ZNF800: variants seen among roughly 807,000 people sequenced by gnomAD.
ZNF800 encodes the protein zinc finger protein 800.
ZNF800 carries 13 observed loss-of-function variants against 59.5 expected under a neutral mutation model. That is an observed-to-expected ratio of 0.22 (90% CI 0.14 to 0.35). The LOEUF is 0.35. ZNF800 is among the 10% of genes least tolerant of loss of function. The pLI is 1.00. For missense variants in ZNF800, 621 were observed against 783.7 expected, an observed-to-expected ratio of 0.79 and a Z score of 2.48; for synonymous variants, 266 against 265.7, an observed-to-expected ratio of 1.00 and a Z score of -0.01.
downstream of ZNF800, among the ~76,000 whole-genome samples, chr7:127,343,794 G>A (rs1800009671): frequency 1.3e-5 from 2 of 151,966 alleles, no homozygotes; most frequent in Admixed American, 6.5e-5. Flanking sequence ...TTATTTAACA[G>A]GATACATCTC....
chr7:127,382,865 A>G (rs1801014807), intron 3 of ZNF800, among the ~76,000 whole-genome samples: 1 of 152,224 alleles, frequency 6.6e-6, no homozygotes, highest in Non-Finnish European at 1.5e-5. Context: ...GCGTTGCCTG[A>G]GCAAAGGGGA....
At chr7:127,353,325 A>C (rs1008086095) in intron 1 of ZNF800, among the ~76,000 whole-genome samples, 6 of 152,174 alleles carry the variant, frequency 3.9e-5, no homozygotes, top group African/African-American at 1.4e-4. Flanking sequence ...ACAGTTCTTG[A>C]CAAGACTTTT....
chr7:127,373,985 C>A lies in ZNF800; in HGVS notation c.1351G>T (p.Val451Phe), dbSNP rs1800708369. Residue 451 changes from valine to phenylalanine, a missense_variant, in exon 5 of 6, where the codon GTT becomes TTT. Coordinates refer to ENST00000265827, the MANE Select transcript of ZNF800 (RefSeq NM_176814.5). ...KNTPAAQKNK[V>F]KQDSESPKST... Reference sequence around the variant, plus strand: ...TTAGGGCTTTCAGAGTCTTGTTTAACTTTATTTTTCTGTGCTGCCGGTGTG... The same window carrying A: ...TTAGGGCTTTCAGAGTCTTGTTTAAATTTATTTTTCTGTGCTGCCGGTGTG... 1 of 1,613,624 alleles carries A rather than the reference C, an allele frequency of 6.2e-7. No homozygotes were observed. Among genetic ancestry groups the A allele is most frequent in the Non-Finnish European group, 8.5e-7 (1 of 1,179,922 alleles).
At chr7:127,343,308 C>A (rs1800000997), downstream of ZNF800, among the ~76,000 whole-genome samples, 2 of 150,946 alleles carry the variant, frequency 1.3e-5, no homozygotes, top group Admixed American at 1.3e-4. Flanking sequence ...AAAAGACTGG[C>A]AAGTCTAATA....
chr7:127,391,915 G>A (rs1328333303), intron 1 of ZNF800, 145 bp downstream of exon 1: 12 of 369,130 alleles, frequency 3.3e-5, no homozygotes, highest in African/African-American at 1.5e-4. Context: ...GGAGCGCAGA[G>A]CGCGGCGGGC....
chr7:127,376,938 T>C (rs1270753704), intron 4 of ZNF800, among the ~76,000 whole-genome samples: 1 of 151,952 alleles, frequency 6.6e-6, no homozygotes, highest in Non-Finnish European at 1.5e-5. Context: ...CTCTTAAATC[T>C]AACCTCTTAT....
chr7:127,387,350 G>A (rs1801167088), intron 2 of ZNF800, among the ~76,000 whole-genome samples: 1 of 152,202 alleles, frequency 6.6e-6, no homozygotes, highest in Admixed American at 6.5e-5. Flanking sequence ...GAGAAATGAA[G>A]GGTGATTTCA....
At position 127,377,109 on chromosome 7, in the gene ZNF800, T is replaced by A; in HGVS notation, c.301+77A>T. 7.6e-7 allele frequency: 1 copy of A among 1,318,082 alleles called. No individual in the cohort carries two copies. The highest frequency in any genetic ancestry group is 1.0e-6 in the Non-Finnish European group (1 of 973,678). The allele number at this position is 1,318,082 out of a possible 1,614,324, so 81.6% of individuals were successfully genotyped here. On this transcript the variant is annotated intron_variant, in intron 4 of 5. Coordinates refer to ENST00000265827, the MANE Select transcript of ZNF800 (RefSeq NM_176814.5). This position sits in a 1 kb window ranked among gnomAD's most constrained non-coding sequence, Gnocchi z 4.7. The stretch of plus-strand genomic sequence containing the variant: ...CAAATTATCAGTAACTAGATACAAT[T>A]TTAATGCAAATGTATACTTGCAGTA...
At chr7:127,357,669 T>G (rs1050913325) in intron 1 of ZNF800, among the ~76,000 whole-genome samples, 1 of 152,080 alleles carries the variant, frequency 6.6e-6, no homozygotes, top group Non-Finnish European at 1.5e-5. Context: ...GATTTTTCCT[T>G]TTTCAAGAAA....
chr7:127,363,979 A>G (rs1242723994), intron 1 of ZNF800: 1 of 152,042 alleles, frequency 6.6e-6, no homozygotes, highest in Non-Finnish European at 1.5e-5. Flanking sequence ...GGTAAAAAGA[A>G]CTTATTTGAA....
intron 1 of ZNF800, among the ~76,000 whole-genome samples, chr7:127,359,248 C>T (rs1800344895): frequency 6.7e-6 from 1 of 149,540 alleles, no homozygotes; most frequent in South Asian, 2.1e-4. Context: ...CACCACCCCA[C>T]AGCCCCCAAA....
At position 127,381,353 on chromosome 7, in the gene ZNF800, T is replaced by C. The variant is rs185244608; in HGVS notation, c.158-4024A>G. On this transcript the variant is annotated intron_variant, in intron 3 of 5. Transcript: ENST00000265827. Reference sequence around the variant, plus strand: ...CCTGAAGGAAATTTCTTACTGATCATCCTTAACGTAAGGATTCAAAGATAC... The same window carrying C: ...CCTGAAGGAAATTTCTTACTGATCACCCTTAACGTAAGGATTCAAAGATAC... 4.3e-3 allele frequency among the ~76,000 whole-genome samples: 650 copies of C among 152,260 alleles called. 4 individuals carry two copies. The highest frequency in any genetic ancestry group is 0.015 in the African/African-American group (621 of 41,546).
Position 127,373,779 on chromosome 7 carries a change from G to A in ZNF800, c.1557C>T (p.Tyr519=). The A allele has an allele frequency of 3.1e-6, 5 of 1,614,154 alleles. No individual in the cohort carries two copies. The highest frequency in any genetic ancestry group is 1.7e-5 in the Admixed American group (1 of 60,018). The change falls in exon 5 of 6, where the codon TAC becomes TAT. Residue 519 remains tyrosine, a synonymous_variant. Coordinates refer to ENST00000265827, the MANE Select transcript of ZNF800 (RefSeq NM_176814.5). ...TTTCATAAGTGCAAAGAGGACACTT[G>A]TAGAATTTAACATAAATGTTATTTC... is the stretch of plus-strand genomic sequence containing the variant. ...TDGNNIYVKF[Y]KCPLCTYETR...
chr7:127,348,712 G>A (rs1430250822), intron 1 of ZNF800, among the ~76,000 whole-genome samples: 1 of 152,212 alleles, frequency 6.6e-6, no homozygotes, highest in Non-Finnish European at 1.5e-5. Flanking sequence ...ATCTCCAGGT[G>A]ATAAAGCTGC....
At chr7:127,369,014 G>A (rs1231912813), downstream of ZNF800, among the ~76,000 whole-genome samples, 2 of 145,474 alleles carry the variant, frequency 1.4e-5, no homozygotes, top group Non-Finnish European at 3.0e-5. Flanking sequence ...GTAAAGGGGA[G>A]GGGGAGGGAA....
At chr7:127,362,357 T>C (rs558692779) in intron 1 of ZNF800, 2 of 152,188 alleles carry the variant, frequency 1.3e-5, no homozygotes, top group South Asian at 4.1e-4. Context: ...CAGTGTGGGG[T>C]AGTAAGTTGT....
intron 2 of ZNF800, among the ~76,000 whole-genome samples, chr7:127,387,462 G>A (rs1040817729): frequency 2.6e-5 from 4 of 152,186 alleles, no homozygotes; most frequent in Non-Finnish European, 5.9e-5. Flanking sequence ...ATAGATACAG[G>A]CTTAGATTCT....
intron 1 of ZNF800, among the ~76,000 whole-genome samples, chr7:127,354,938 G>A (rs956884343): frequency 6.6e-6 from 1 of 151,878 alleles, no homozygotes; most frequent in Admixed American, 6.6e-5. Flanking sequence ...TTACTCTTCT[G>A]TCTTTTTATT....
chr7:127,371,698 A>C lies in ZNF800; in HGVS notation c.*116T>G. On this transcript the variant is annotated 3_prime_UTR_variant, in exon 6 of 6. Transcript: ENST00000265827. ...CAGTTATAGTTGAATATTTAGAAAAATGTTTTTCTTTTTTTCCTCATAGTA... is the reference window on the plus strand; with the variant it reads ...CAGTTATAGTTGAATATTTAGAAAACTGTTTTTCTTTTTTTCCTCATAGTA... 1 of 590,624 alleles carries C rather than the reference A, an allele frequency of 1.7e-6. No individual in the cohort carries two copies. Among genetic ancestry groups the C allele is most frequent in the Non-Finnish European group, 3.1e-6 (1 of 323,644 alleles). The allele number at this position is 590,624 out of a possible 1,614,324, so 36.6% of individuals were successfully genotyped here. A position where few individuals can be genotyped will look rare whatever the true frequency, so the allele number is the denominator to read the frequency against.
Sources: allele counts gnomAD v4.1 joint callset (sites outside exome capture counted in the v4.1 genomes callset), GRCh38; gene constraint gnomAD v4.1.1; non-coding constraint Gnocchi (gnomAD v3.1); transcripts MANE v1.5; gene names NCBI Gene and HGNC (gene_info 2026-07-23, HGNC 2026-07-21).